SEMA3G: variants seen among roughly 807,000 people sequenced by gnomAD.
SEMA3G encodes semaphorin 3G.
In SEMA3G, 70 loss-of-function variants were observed where a neutral mutation model predicts 86.2. That is an observed-to-expected ratio of 0.81 (90% CI 0.67 to 0.99). The LOEUF is 0.99. Among genes scored for constraint, SEMA3G ranks in the 50% least tolerant of loss-of-function variants. The pLI, the probability that SEMA3G is intolerant of heterozygous loss-of-function variation, is 0.00. For missense variants in SEMA3G, 1,002 were observed against 1,072.4 expected (o/e 0.93, Z 0.92); for synonymous variants, 416 against 441.4 (o/e 0.94, Z 0.72).
chr3:52,440,002 T>G lies in SEMA3G; in HGVS notation c.1240A>C (p.Met414Leu), dbSNP rs1218075660. 1.2e-6 allele frequency: 2 copies of G among 1,612,876 alleles called. No homozygotes were observed. Among genetic ancestry groups the G allele is most frequent in the East Asian group, 4.5e-5 (2 of 44,856 alleles). Residue 414 changes from methionine to leucine, a missense_variant, in exon 11 of 16, where the codon ATG becomes CTG. Met to Leu is a conservative substitution (Grantham distance 15). Transcript: ENST00000231721. The part of the protein sequence containing the change: ...VLQFARAHPL[M>L]FWPVRPRHGR... The stretch of plus-strand genomic sequence containing the variant: ...TGTCGAGGCCGCACAGGCCAGAACA[T>G]GAGGGGGTGGGCTCGGGCAAACTGC...
Position 52,439,031 on chromosome 3 carries a change from T to A in SEMA3G, c.1468-70A>T. On this transcript the variant is annotated intron_variant, in intron 12 of 15. Transcript: ENST00000231721. ...CCTGCCCCTGCACCCCTGCTTTCAG[T>A]CTCCTCCAACCCTGGGGTGGGAACC... 1.3e-6 allele frequency: 2 copies of A among 1,547,666 alleles called. 1 individual carries two copies. Among genetic ancestry groups the A allele is most frequent in the Middle Eastern group, 3.4e-4 (2 of 5,858 alleles).
intron 1 of SEMA3G, among the ~76,000 whole-genome samples, chr3:52,443,456 C>A (rs1364357453): frequency 4.6e-5 from 7 of 152,186 alleles, no homozygotes; most frequent in African/African-American, 1.7e-4. Flanking sequence ...CAGATGCTGG[C>A]TATCCCACCC....
intron 1 of SEMA3G, among the ~76,000 whole-genome samples, chr3:52,443,850 T>C (rs11716487): frequency 0.24 from 36,226 of 152,158 alleles, 7,549 homozygotes; most frequent in African/African-American, 0.57. Flanking sequence ...CCCAGCAGAC[T>C]GGGCTTCCCA....
At chr3:52,438,485 C>T (rs1706089482) in intron 13 of SEMA3G, 2 of 985,480 alleles carry the variant, frequency 2.0e-6, no homozygotes, top group Non-Finnish European at 1.2e-6. Flanking sequence ...TCCCAGGGGC[C>T]TTTATCCTGA....
chr3:52,445,076 T>C lies in SEMA3G; in HGVS notation c.-49A>G, dbSNP rs757797453. The C allele has an allele frequency of 1.8e-5, 23 of 1,253,114 alleles. No individual in the cohort carries two copies. The highest frequency in any genetic ancestry group is 2.2e-5 in the Non-Finnish European group (22 of 994,616). 77.6% of individuals were successfully genotyped at this position (1,253,114 alleles called of 1,614,324 possible). On this transcript the variant is annotated 5_prime_UTR_variant, in exon 1 of 16. Coordinates refer to ENST00000231721, the MANE Select transcript of SEMA3G (RefSeq NM_020163.3). ...GCCGCCTGCCTGCAGAGCCGCCCTC[T>C]GGTCCCGCTGGCCGCCGGTTGTAGT...
chr3:52,440,956 G>A lies in SEMA3G; in HGVS notation c.906C>T (p.Ala302=), dbSNP rs201709938. 14 of 1,606,478 alleles carry A rather than the reference G, an allele frequency of 8.7e-6. No individual in the cohort carries two copies. In the East Asian group the frequency reaches 1.6e-4, roughly 18 times the overall value. The change falls in exon 8 of 16, where the codon GCC becomes GCT. Residue 302 remains alanine, a synonymous_variant. Transcript: ENST00000231721. The part of the protein sequence containing the change: ...LVCSVPGPGG[A]ETHFDQLEDV... ...CACCTAGCTGGTCAAAGTGGGTCTC[G>A]GCACCACCAGGGCCGGGCACCGAGC...
chr3:52,441,917 G>A lies in SEMA3G; in HGVS notation c.460-8C>T. 3 of 1,549,100 alleles carry A rather than the reference G, an allele frequency of 1.9e-6. No individual in the cohort carries two copies. Among genetic ancestry groups the A allele is most frequent in the South Asian group, 1.2e-5 (1 of 84,672 alleles). ...CTCCAGGTGGAGCACATGCTAGTGG[G>A]AGGGAGAGAGGGAGGGAGGGGCGTC... is the stretch of plus-strand genomic sequence containing the variant. On this transcript the variant is annotated splice_polypyrimidine_tract_variant and splice_region_variant and intron_variant, in intron 4 of 15. Coordinates refer to ENST00000231721, the MANE Select transcript of SEMA3G (RefSeq NM_020163.3).
In SEMA3G at chr3:52,435,557, T is replaced by C; in HGVS notation, c.*46A>G. On this transcript the variant is annotated 3_prime_UTR_variant, in exon 16 of 16. Transcript: ENST00000231721. ...GTGGGTGGGAGATGCTGGGGGCTGC[T>C]AGTGGGCCCCCCAGCCCATCCTGAC... 6.5e-7 allele frequency: 1 copy of C among 1,545,472 alleles called. No individual in the cohort carries two copies. The highest frequency in any genetic ancestry group is 8.8e-7 in the Non-Finnish European group (1 of 1,136,930).
rs116190514 is a variant in SEMA3G at position 52,437,718 on chromosome 3, C to T, written c.1739-52G>A. 174 of 1,576,108 alleles carry T rather than the reference C, an allele frequency of 1.1e-4. No individual in the cohort carries two copies. In the African/African-American group the frequency reaches 1.3e-3, roughly 12 times the overall value. On this transcript the variant is annotated intron_variant, in intron 14 of 15. Transcript: ENST00000231721. The stretch of plus-strand genomic sequence containing the variant: ...CTTGGGAACTATGGGACCCAGATCC[C>T]AGTGCCACCACCTGACACCACAGCT...
chr3:52,440,191 C>A, intron 10 of SEMA3G, 93 bp from the exon 11 acceptor site: 1 of 1,239,112 alleles, frequency 8.1e-7, no homozygotes. Flanking sequence ...AGGGGGACCT[C>A]TCTCACTGCA....
Position 52,441,864 on chromosome 3 carries a change from G to T in SEMA3G, c.505C>A (p.Arg169=), listed in dbSNP as rs149481070. 9.4e-6 allele frequency: 15 copies of T among 1,593,136 alleles called. No individual in the cohort carries two copies. The highest frequency in any genetic ancestry group is 1.3e-5 in the Non-Finnish European group (15 of 1,169,862). ...EPGSVESGRG[R]CPHEPSRPFA... ...GGACGGCTGGGCTCGTGAGGGCACC[G>T]CCCCCGGCCACTTTCCACACTGCCA... Residue 169 remains arginine, a synonymous_variant, in exon 5 of 16, where the codon CGG becomes AGG. Coordinates refer to ENST00000231721, the MANE Select transcript of SEMA3G (RefSeq NM_020163.3).
In SEMA3G at chr3:52,435,610, G is replaced by A. The variant is rs1203419948; in HGVS notation, c.2342C>T (p.Ala781Val). The A allele has an allele frequency of 1.9e-6, 3 of 1,610,532 alleles. No individual in the cohort carries two copies. The highest frequency in any genetic ancestry group is 2.7e-5 in the African/African-American group (2 of 74,972). Residue 781 changes from alanine to valine, a missense_variant, in exon 16 of 16, where the codon GCC becomes GTC. Ala to Val is a moderately conservative substitution (Grantham distance 64). Transcript: ENST00000231721. The stretch of plus-strand genomic sequence containing the variant: ...CCCCTCCTCTGCCCCCTTCTACGTG[G>A]CCTCCACCTCCCGGGGCGTCCGATT... ...EHNRTPREVE[A>V]T
At chr3:52,439,119 C>T (rs149340472) in intron 12 of SEMA3G, among the ~76,000 whole-genome samples, 158 bp from the exon 13 acceptor site, 191 of 152,276 alleles carry the variant, frequency 1.3e-3, no homozygotes, top group African/African-American at 4.1e-3. Flanking sequence ...CTTTCCCAGA[C>T]GATGGGTTAC....
In SEMA3G at chr3:52,441,918, A is replaced by T; in HGVS notation, c.460-9T>A. Reference sequence around the variant, plus strand: ...TCCAGGTGGAGCACATGCTAGTGGGAGGGAGAGAGGGAGGGAGGGGCGTCA... The same window carrying T: ...TCCAGGTGGAGCACATGCTAGTGGGTGGGAGAGAGGGAGGGAGGGGCGTCA... On this transcript the variant is annotated splice_polypyrimidine_tract_variant and intron_variant, in intron 4 of 15. Transcript: ENST00000231721. The T allele has an allele frequency of 6.5e-7, 1 of 1,547,600 alleles. No homozygotes were observed. Among genetic ancestry groups the T allele is most frequent in the South Asian group, 1.2e-5 (1 of 84,634 alleles).
chr3:52,435,246 G>T lies in SEMA3G; in HGVS notation c.*357C>A. On this transcript the variant is annotated 3_prime_UTR_variant, in exon 16 of 16. Transcript: ENST00000231721. ...ACCCACTCTGAGGGTCACTCAGAAT[G>T]GCCATTGTTCTGTAGGCTGGGAAAG... 1 of 290,578 alleles carries T rather than the reference G, an allele frequency of 3.4e-6. No homozygotes were observed. The highest frequency in any genetic ancestry group is 4.6e-5 in the South Asian group (1 of 21,604). 18.0% of individuals were successfully genotyped at this position (290,578 alleles called of 1,614,324 possible). A position where few individuals can be genotyped will look rare whatever the true frequency, so the allele number is the denominator to read the frequency against.
chr3:52,439,991 A>G lies in SEMA3G; in HGVS notation c.1251T>C (p.Pro417=), dbSNP rs764860096. Reference sequence around the variant, plus strand: ...CAGGGCGGCCATGTCGAGGCCGCACAGGCCAGAACATGAGGGGGTGGGCTC... The same window carrying G: ...CAGGGCGGCCATGTCGAGGCCGCACGGGCCAGAACATGAGGGGGTGGGCTC... ...FARAHPLMFW[P]VRPRHGRPVL... is the part of the protein sequence containing the mutation. Residue 417 remains proline, a synonymous_variant, in exon 11 of 16, where the codon CCT becomes CCC. Coordinates refer to ENST00000231721, the MANE Select transcript of SEMA3G (RefSeq NM_020163.3). 8 of 1,613,342 alleles carry G rather than the reference A, an allele frequency of 5.0e-6. No individual in the cohort carries two copies. The highest frequency in any genetic ancestry group is 6.8e-6 in the Non-Finnish European group (8 of 1,179,782).
At chr3:52,444,713 A>G (rs541543192) in intron 1 of SEMA3G, among the ~76,000 whole-genome samples, 200 bp downstream of exon 1, 5 of 113,476 alleles carry the variant, frequency 4.4e-5, no homozygotes, top group Admixed American at 8.7e-5. Context: ...AACTCGGCAC[A>G]CGCACACAAA....
rs754075739 is a variant in SEMA3G, at chr3:52,442,906, G to A, written c.117C>T (p.Asp39=). 6.3e-7 allele frequency: 1 copy of A among 1,589,970 alleles called. No individual in the cohort carries two copies. Among genetic ancestry groups the A allele is most frequent in the Non-Finnish European group, 8.6e-7 (1 of 1,168,012 alleles). Residue 39 remains aspartate (D), a splice_region_variant and synonymous_variant, in exon 2 of 16, where the codon GAC becomes GAT. Coordinates refer to ENST00000231721, the MANE Select transcript of SEMA3G (RefSeq NM_020163.3). This position sits in a 1 kb window ranked among gnomAD's most constrained non-coding sequence, Gnocchi z 6.1. The part of the protein sequence containing the change: ...SVPRLRLSYR[D]LLSANRSAIF... ...TGGCAGAGCGGTTGGCAGACAGGAG[G>A]TCTAGGAGGATGTATGGGGAGGCAG...
rs781310259 is a variant in SEMA3G, at chr3:52,435,831, G to A, written c.2121C>T (p.Tyr707=). The A allele has an allele frequency of 3.1e-6, 5 of 1,613,996 alleles. No homozygotes were observed. Among genetic ancestry groups the A allele is most frequent in the Non-Finnish European group, 4.2e-6 (5 of 1,180,022 alleles). Residue 707 remains tyrosine (Y), a synonymous_variant, in exon 16 of 16, where the codon TAC becomes TAT. Transcript: ENST00000231721. ...AGCCAATGAGCTGCAGGATGTCCTTGTACCAGGCCTTGGGTGGGGTGGAAG... is the reference window on the plus strand; with the variant it reads ...AGCCAATGAGCTGCAGGATGTCCTTATACCAGGCCTTGGGTGGGGTGGAAG... The part of the protein sequence containing the change: ...GLASTPPKAW[Y]KDILQLIGFA...
Sources: gnomAD v4.1 joint callset for allele counts (sites outside exome capture counted in the v4.1 genomes callset) on GRCh38, gnomAD v4.1.1 for gene constraint, Gnocchi (gnomAD v3.1) non-coding constraint, MANE v1.5 for transcripts, NCBI Gene and HGNC (gene_info 2026-07-23, HGNC 2026-07-21) for gene names.